Variants in CPEB4 observed in about 807,000 individuals in gnomAD.
The protein encoded by CPEB4 is cytoplasmic polyadenylation element binding protein 4, also known as cytoplasmic polyadenylation element-binding protein 4.
Under a neutral mutation model 72.5 loss-of-function variants are expected in CPEB4, and 12 were observed. The observed-to-expected ratio is 0.17, with a 90% confidence interval of 0.11 to 0.27. The LOEUF (loss-of-function observed/expected upper bound fraction) is 0.27. Among genes scored for constraint, CPEB4 ranks in the 10% least tolerant of loss-of-function variants. The pLI is 1.00. For missense variants in CPEB4, 614 were observed against 908.5 expected, an observed-to-expected ratio of 0.68 and a Z score of 4.17; for synonymous variants, 302 against 326.3, an observed-to-expected ratio of 0.93 and a Z score of 0.80.
chr5:173,905,922 A>G (rs1027502944), intron 1 of CPEB4, among the ~76,000 whole-genome samples: 1 of 152,246 alleles, frequency 6.6e-6, no homozygotes, highest in Admixed American at 6.5e-5. Context: ...AGAGGTATAA[A>G]GGACGAAAGT....
At position 173,924,052 on chromosome 5, in the gene CPEB4, G is replaced by C. The variant is rs561874342; in HGVS notation, c.1208-8398G>C. ...TCTTGCAGCTTCGCACCTGCCCCGA[G>C]TTGTAGTCAAAGCAGTCCTTCCCTT... On this transcript the variant is annotated intron_variant, in intron 2 of 9. Coordinates refer to ENST00000265085, the MANE Select transcript of CPEB4 (RefSeq NM_030627.4). 3.9e-5 allele frequency among the ~76,000 whole-genome samples: 6 copies of C among 152,224 alleles called. No individual in the cohort carries two copies. The South Asian group carries it at 1.2e-3, about 32-fold the overall frequency.
intron 2 of CPEB4, among the ~76,000 whole-genome samples, chr5:173,917,267 T>C (rs1756901531): frequency 6.6e-6 from 1 of 152,216 alleles, no homozygotes; most frequent in East Asian, 1.9e-4. Flanking sequence ...GTAGGAATGG[T>C]GGGGAGAGTA....
intron 1 of CPEB4, among the ~76,000 whole-genome samples, chr5:173,902,886 T>C: frequency 6.6e-6 from 1 of 152,224 alleles, no homozygotes. Flanking sequence ...GTATATACTA[T>C]GTATTTTCTG....
chr5:173,892,652 G>T (rs1203476809), intron 1 of CPEB4, among the ~76,000 whole-genome samples: 3 of 151,936 alleles, frequency 2.0e-5, no homozygotes, highest in Non-Finnish European at 4.4e-5. Context: ...CCCATTCTCA[G>T]CTTACTGACT....
At chr5:173,905,395 T>G (rs912051963) in intron 1 of CPEB4, among the ~76,000 whole-genome samples, 2 of 151,948 alleles carry the variant, frequency 1.3e-5, no homozygotes, top group African/African-American at 4.8e-5. Context: ...AGTGCAATGG[T>G]GTGATCTCAG....
intron 7 of CPEB4, 103 bp from the exon 8 acceptor site, chr5:173,951,721 A>T (rs1758222409): frequency 4.3e-6 from 3 of 694,274 alleles, no homozygotes; most frequent in Middle Eastern, 2.4e-4. Context: ...ACTTGTAATC[A>T]TAGGATTATT....
At chr5:173,927,408 C>T (rs973566297) in intron 2 of CPEB4, among the ~76,000 whole-genome samples, 2 of 152,134 alleles carry the variant, frequency 1.3e-5, no homozygotes, top group African/African-American at 2.4e-5. Context: ...AGAAGGTTAG[C>T]CAGAAGCTGA....
chr5:173,905,987 C>T (rs1756422300), intron 1 of CPEB4, among the ~76,000 whole-genome samples: 1 of 152,118 alleles, frequency 6.6e-6, no homozygotes, highest in African/African-American at 2.4e-5. Flanking sequence ...TGTCTAATGC[C>T]CATTCCACTC....
chr5:173,904,557 T>C (rs146300004), intron 1 of CPEB4, among the ~76,000 whole-genome samples: 127 of 152,338 alleles, frequency 8.3e-4, no homozygotes, highest in African/African-American at 2.9e-3. Flanking sequence ...AAGTAATATT[T>C]GAGTGCCTAC....
intron 5 of CPEB4, among the ~76,000 whole-genome samples, chr5:173,948,610 C>A (rs1317748294): frequency 6.6e-6 from 1 of 152,054 alleles, no homozygotes. Flanking sequence ...AGAGCACAGA[C>A]CCAGGTTGAG....
At chr5:173,932,823 G>A (rs1757494271) in intron 3 of CPEB4, among the ~76,000 whole-genome samples, 1 of 152,142 alleles carries the variant, frequency 6.6e-6, no homozygotes, top group Non-Finnish European at 1.5e-5. Flanking sequence ...CCATTTCCAC[G>A]TGGCTGGAAA....
intron 9 of CPEB4, among the ~76,000 whole-genome samples, chr5:173,954,999 C>T (rs762637914): frequency 6.6e-6 from 1 of 152,168 alleles, no homozygotes; most frequent in Non-Finnish European, 1.5e-5. Flanking sequence ...CACAGAATCA[C>T]AATCATGACT....
intron 1 of CPEB4, among the ~76,000 whole-genome samples, chr5:173,896,343 A>C (rs983040273): frequency 1.3e-5 from 2 of 152,252 alleles, no homozygotes; most frequent in Non-Finnish European, 2.9e-5. Context: ...ATGTTTTACC[A>C]TGATAAATTT....
At chr5:173,908,134 C>T (rs1233942046) in intron 1 of CPEB4, among the ~76,000 whole-genome samples, 1 of 152,216 alleles carries the variant, frequency 6.6e-6, no homozygotes, top group East Asian at 1.9e-4. Context: ...TGCCTCAAGT[C>T]TACTTGGCTT....
At chr5:173,918,926 ATTC>A (rs1756976580) in intron 2 of CPEB4, among the ~76,000 whole-genome samples, 1 of 152,196 alleles carries the variant, frequency 6.6e-6, no homozygotes, top group African/African-American at 2.4e-5. Context: ...TTATCGTTTT[ATTC>A]TTTGTTACCT....
At chr5:173,906,850 T>C (rs1756453646) in intron 1 of CPEB4, among the ~76,000 whole-genome samples, 1 of 152,240 alleles carries the variant, frequency 6.6e-6, no homozygotes, top group Non-Finnish European at 1.5e-5. Context: ...TAATGTACTT[T>C]ACCAGTTAGA....
chr5:173,918,949 G>A (rs936878349), intron 2 of CPEB4, among the ~76,000 whole-genome samples: 6 of 152,170 alleles, frequency 3.9e-5, no homozygotes, highest in Admixed American at 2.6e-4. Context: ...TGAGTGAGAG[G>A]TGAGGGTAAC....
chr5:173,934,385 G>C (rs1033879018), intron 3 of CPEB4, among the ~76,000 whole-genome samples: 1 of 152,078 alleles, frequency 6.6e-6, no homozygotes, highest in Non-Finnish European at 1.5e-5. Flanking sequence ...TGTTGTATAC[G>C]TGGAAATTTT....
At chr5:173,905,360 G>T (rs1293062307) in intron 1 of CPEB4, among the ~76,000 whole-genome samples, 1 of 151,130 alleles carries the variant, frequency 6.6e-6, no homozygotes, top group East Asian at 1.9e-4. Context: ...TTTTGAGATG[G>T]AGTCTCGCTC....
Sources: gnomAD v4.1 joint callset for allele counts (sites outside exome capture counted in the v4.1 genomes callset) on GRCh38, gnomAD v4.1.1 for gene constraint, MANE v1.5 for transcripts, NCBI Gene and HGNC (gene_info 2026-07-23, HGNC 2026-07-21) for gene names.